MARCHF1: variants seen among roughly 807,000 people sequenced by gnomAD.
The protein encoded by MARCHF1 is membrane associated ring-CH-type finger 1.
Under a neutral mutation model 54.2 loss-of-function variants are expected in MARCHF1, and 40 were observed. That is an observed-to-expected ratio of 0.74 (90% CI 0.57 to 0.96). The LOEUF is 0.96. MARCHF1 is among the 40% of genes least tolerant of loss of function. The pLI, the probability that MARCHF1 is intolerant of heterozygous loss-of-function variation, is 0.00. For missense variants in MARCHF1, 586 were observed against 656.5 expected, an observed-to-expected ratio of 0.89 and a Z score of 1.17; for synonymous variants, 236 against 236.3, an observed-to-expected ratio of 1.00 and a Z score of 0.01.
intron 1 of MARCHF1, chr4:164,197,374 C>T (rs745799303): frequency 1.2e-6 from 2 of 1,613,124 alleles, no homozygotes; most frequent in South Asian, 2.2e-5. Context: ...AAGGTCTAAG[C>T]TCTTGAGGTT....
At chr4:163,965,793 A>G (rs1752431984) in intron 3 of MARCHF1, among the ~76,000 whole-genome samples, 1 of 152,086 alleles carries the variant, frequency 6.6e-6, no homozygotes, top group Non-Finnish European at 1.5e-5. Flanking sequence ...GGAGCACATA[A>G]TGTGCATGCT....
intron 5 of MARCHF1, among the ~76,000 whole-genome samples, chr4:163,636,175 A>G (rs1489629930): frequency 1.3e-5 from 2 of 152,318 alleles, no homozygotes; most frequent in African/African-American, 2.4e-5. Flanking sequence ...TTCCGTTTGA[A>G]AACCGGCACA....
intron 1 of MARCHF1, among the ~76,000 whole-genome samples, chr4:164,139,909 T>C (rs1221499558): frequency 6.6e-6 from 1 of 152,112 alleles, no homozygotes; most frequent in African/African-American, 2.4e-5. Flanking sequence ...ATTTGACTCA[T>C]TCAAATTTCT....
intron 1 of MARCHF1, among the ~76,000 whole-genome samples, chr4:164,265,941 A>C (rs1191639721): frequency 6.6e-6 from 1 of 152,210 alleles, no homozygotes. Context: ...CAAATTTATA[A>C]TTTTAAAATA....
At chr4:164,296,217 T>A (rs1159716965) in intron 1 of MARCHF1, among the ~76,000 whole-genome samples, 1 of 152,170 alleles carries the variant, frequency 6.6e-6, no homozygotes, top group Non-Finnish European at 1.5e-5. Context: ...AACAATCATA[T>A]GTTAGTTCAC....
rs1314229563 is a variant in MARCHF1 at position 164,278,010 on chromosome 4, G to A, written c.-323+105860C>T. Among the ~76,000 whole-genome samples the A allele has an allele frequency of 2.6e-5, 4 of 152,146 alleles. No individual in the cohort carries two copies. In the East Asian group the frequency reaches 7.7e-4, roughly 29 times the overall value. ...GAAGGCTTCAAACTAATAACCAATA[G>A]ATTTTTTAAAAAAAGAAAACTGGCC... On this transcript the variant is annotated intron_variant, in intron 1 of 9. Coordinates refer to ENST00000514618, the MANE Select transcript of MARCHF1 (RefSeq NM_001394959.1).
intron 7 of MARCHF1, among the ~76,000 whole-genome samples, chr4:163,591,192 G>C (rs560953268): frequency 6.6e-6 from 1 of 151,806 alleles, no homozygotes; most frequent in South Asian, 2.1e-4. Context: ...TAAAATTAAT[G>C]GTCAGATGAT....
chr4:163,800,724 A>G (rs2110971848), intron 4 of MARCHF1, among the ~76,000 whole-genome samples: 1 of 152,258 alleles, frequency 6.6e-6, no homozygotes, highest in South Asian at 2.1e-4. Context: ...TACTTTTCAA[A>G]CTGATTGTTC....
chr4:164,086,025 G>C (rs529818532), intron 2 of MARCHF1, among the ~76,000 whole-genome samples: 4 of 151,484 alleles, frequency 2.6e-5, no homozygotes, highest in Non-Finnish European at 5.9e-5. Context: ...AAAAGAAAAG[G>C]CTATTAAAAA....
intron 1 of MARCHF1, among the ~76,000 whole-genome samples, chr4:164,174,004 T>C (rs1730595015): frequency 6.6e-6 from 1 of 152,236 alleles, no homozygotes; most frequent in African/African-American, 2.4e-5. Context: ...GTAATTACTC[T>C]GTAGAAATCG....
intron 1 of MARCHF1, among the ~76,000 whole-genome samples, chr4:164,339,677 ATAAAC>A (rs1174861629): frequency 6.6e-6 from 1 of 152,170 alleles, no homozygotes; most frequent in Admixed American, 6.5e-5. Context: ...TAAAAAGTAA[ATAAAC>A]TAAGCATAGA....
intron 8 of MARCHF1, among the ~76,000 whole-genome samples, chr4:163,567,862 TAGAGGA>T (rs2111000107): frequency 6.6e-6 from 1 of 152,262 alleles, no homozygotes; most frequent in South Asian, 2.1e-4. Context: ...GCCATATACC[TAGAGGA>T]AAAGTACCAT....
At chr4:163,737,037 G>C (rs1330624672) in intron 4 of MARCHF1, among the ~76,000 whole-genome samples, 1 of 151,990 alleles carries the variant, frequency 6.6e-6, no homozygotes, top group Middle Eastern at 3.2e-3. Context: ...AATGTGTAAG[G>C]GAAAGCTCAT....
intron 3 of MARCHF1, chr4:163,932,440 C>T (rs1751697494): frequency 5.2e-6 from 2 of 386,824 alleles, no homozygotes; most frequent in Admixed American, 2.7e-5. Context: ...ATTCTAAATC[C>T]TTTGTTGTCA....
intron 8 of MARCHF1, among the ~76,000 whole-genome samples, chr4:163,577,115 G>A (rs1252110831): frequency 6.6e-6 from 1 of 151,998 alleles, no homozygotes; most frequent in Non-Finnish European, 1.5e-5. Context: ...TGGTTAGCTG[G>A]TTGCTTTGTA....
intron 4 of MARCHF1, among the ~76,000 whole-genome samples, chr4:163,794,218 T>C (rs1053167574): frequency 2.0e-5 from 3 of 152,248 alleles, no homozygotes; most frequent in South Asian, 4.1e-4. Context: ...TGTATTTCCT[T>C]CTCCTGTTTT....
chr4:163,650,888 G>A (rs143066334), intron 5 of MARCHF1, among the ~76,000 whole-genome samples: 167 of 151,948 alleles, frequency 1.1e-3, no homozygotes, highest in Non-Finnish European at 1.8e-3. Flanking sequence ...ACTATGTTGC[G>A]TTTATTGTAT....
intron 5 of MARCHF1, among the ~76,000 whole-genome samples, chr4:163,657,076 A>T (rs1158669317): frequency 6.6e-6 from 1 of 152,066 alleles, no homozygotes; most frequent in Non-Finnish European, 1.5e-5. Flanking sequence ...CAAGAGAAAT[A>T]AATAAATAAA....
At chr4:163,662,731 G>A (rs1307734555) in intron 5 of MARCHF1, among the ~76,000 whole-genome samples, 1 of 151,872 alleles carries the variant, frequency 6.6e-6, no homozygotes, top group African/African-American at 2.4e-5. Context: ...GGGTACTCAG[G>A]CCGGATTGTT....
Sources: gnomAD v4.1 joint callset for allele counts (sites outside exome capture counted in the v4.1 genomes callset) on GRCh38, gnomAD v4.1.1 for gene constraint, MANE v1.5 for transcripts, NCBI Gene and HGNC (gene_info 2026-07-23, HGNC 2026-07-21) for gene names.